The following NRL variants were observed in gnomAD, a reference collection of about 807,000 sequenced individuals.
The protein encoded by NRL is neural retina leucine zipper.
Under a neutral mutation model 12.5 loss-of-function variants are expected in NRL, and 16 were observed. That is an observed-to-expected ratio of 1.28 (90% CI 0.87 to 1.95). The LOEUF is 1.95. Ranked by LOEUF, NRL falls within the 30% of genes most tolerant of loss-of-function variation. The pLI is 0.00. For synonymous variants in NRL, 142 were observed against 150.9 expected, an observed-to-expected ratio of 0.94 and a Z score of 0.43; for missense variants, 314 against 325.8, an observed-to-expected ratio of 0.96 and a Z score of 0.28.
chr14:24,088,930 G>A (rs527481646), intron 1 of NRL, among the ~76,000 whole-genome samples: 168 of 149,612 alleles, frequency 1.1e-3, no homozygotes, highest in Non-Finnish European at 1.6e-3. Flanking sequence ...CTCAGACTCC[G>A]GCTGGAACTA....
Position 24,079,408 on chromosome 14 carries a change from G to A in NRL, c.*1828C>T, listed in dbSNP as rs2036211960. ...CTCCCTTCAACAATGAGTGTGGAAG[G>A]GGATGAAGAAAGAGAAGCTAAAGGT... is the stretch of plus-strand genomic sequence containing the variant. On this transcript the variant is annotated 3_prime_UTR_variant, in exon 3 of 3. Transcript: ENST00000561028. Among the ~76,000 whole-genome samples, 2 of 152,204 alleles carry A rather than the reference G, an allele frequency of 1.3e-5. No individual in the cohort carries two copies. Among genetic ancestry groups the A allele is most frequent in the Admixed American group, 1.3e-4 (2 of 15,280 alleles).
At chr14:24,111,568 T>C (rs1280037058) in intron 1 of NRL, among the ~76,000 whole-genome samples, 2 of 151,694 alleles carry the variant, frequency 1.3e-5, no homozygotes, top group South Asian at 2.1e-4. Flanking sequence ...GGTTTCACCA[T>C]GTTGGCCAGG....
Position 24,081,757 on chromosome 14 carries a change from C to T in NRL, c.382-189G>A. 1 of 1,521,204 alleles carries T rather than the reference C, an allele frequency of 6.6e-7. No individual in the cohort carries two copies. The highest frequency in any genetic ancestry group is 2.5e-5 in the East Asian group (1 of 40,432). The allele number at this position is 1,521,204 out of a possible 1,614,324, so 94.2% of individuals were successfully genotyped here. A position where few individuals can be genotyped will look rare whatever the true frequency, so the allele number is the denominator to read the frequency against. Reference sequence around the variant, plus strand: ...CCCAGGCCCCGACGCTCCCCGGGCCCCCCAGCTGACCGTTGCTCCAGTCAG... The same window carrying T: ...CCCAGGCCCCGACGCTCCCCGGGCCTCCCAGCTGACCGTTGCTCCAGTCAG... On this transcript the variant is annotated intron_variant, in intron 2 of 2. Coordinates refer to ENST00000561028, the MANE Select transcript of NRL (RefSeq NM_001354768.3). The surrounding 1 kb of genome is among the most constrained non-coding windows in gnomAD (Gnocchi z 4.4).
rs777427545 is a variant in NRL, at chr14:24,103,523, G to T, written c.-28+11199C>A. The stretch of plus-strand genomic sequence containing the variant: ...CTTCCCCCCCAGGGAAGATCATCAT[G>T]CACGACCCATTTGCCATGCGGCCCT... On this transcript the variant is annotated intron_variant, in intron 1 of 2. Transcript: ENST00000561028. The T allele has an allele frequency of 2.5e-5, 39 of 1,554,372 alleles. No homozygotes were observed. The highest frequency in any genetic ancestry group is 4.1e-5 in the African/African-American group (3 of 73,322).
chr14:24,089,662 G>A (rs554622489), intron 1 of NRL, among the ~76,000 whole-genome samples: 1 of 152,284 alleles, frequency 6.6e-6, no homozygotes, highest in African/African-American at 2.4e-5. Flanking sequence ...AGAGATGAAT[G>A]TGCTAAGAAG....
intron 1 of NRL, chr14:24,102,651 CAAA>C (rs367813502): frequency 1.2e-3 from 1,048 of 878,658 alleles, no homozygotes; most frequent in South Asian, 2.2e-3. Flanking sequence ...GCTGATGAGG[CAAA>C]AAAAAAAAAA....
rs1442867729 is a variant in NRL at position 24,078,751 on chromosome 14, T to A, written c.*2485A>T. On this transcript the variant is annotated 3_prime_UTR_variant, in exon 3 of 3. Transcript: ENST00000561028. Reference sequence around the variant, plus strand: ...GGTGGTTACCATTATTTTCACCATTTTTCTGACAATCAAGTGAGGCTTGAT... The same window carrying A: ...GGTGGTTACCATTATTTTCACCATTATTCTGACAATCAAGTGAGGCTTGAT... Among the ~76,000 whole-genome samples the A allele has an allele frequency of 6.6e-6, 1 of 152,212 alleles. No homozygotes were observed. The highest frequency in any genetic ancestry group is 1.5e-5 in the Non-Finnish European group (1 of 68,032).
rs747231614 is a variant in NRL at position 24,103,087 on chromosome 14, A to G, written c.-28+11635T>C. Reference sequence around the variant, plus strand: ...GGTCTTAGGAGAGAGAGTACCAGTCAAGCTCACCAGAAGGGCTGGAGTTAG... The same window carrying G: ...GGTCTTAGGAGAGAGAGTACCAGTCGAGCTCACCAGAAGGGCTGGAGTTAG... On this transcript the variant is annotated intron_variant, in intron 1 of 2. Transcript: ENST00000561028. The G allele has an allele frequency of 1.2e-5, 16 of 1,304,970 alleles. No individual in the cohort carries two copies. In the Middle Eastern group the frequency reaches 7.3e-4, roughly 59 times the overall value. 80.8% of individuals were successfully genotyped at this position (1,304,970 alleles called of 1,614,324 possible). A position where few individuals can be genotyped will look rare whatever the true frequency, so the allele number is the denominator to read the frequency against.
At chr14:24,095,900 G>T (rs960858862) in intron 1 of NRL, among the ~76,000 whole-genome samples, 4 of 152,158 alleles carry the variant, frequency 2.6e-5, no homozygotes, top group Admixed American at 2.6e-4. Flanking sequence ...TTACCCGAGG[G>T]CAACATTTTA....
intron 1 of NRL, chr14:24,103,624 G>C (rs201244499): frequency 1.2e-6 from 2 of 1,613,832 alleles, no homozygotes; most frequent in South Asian, 1.1e-5. Context: ...CAGCTGCCCC[G>C]TATCTTCCAT....
At chr14:24,103,352 T>A in intron 1 of NRL, 1 of 1,177,764 alleles carries the variant, frequency 8.5e-7, no homozygotes. Context: ...ACCCCTGGAG[T>A]CTGATATGGC....
intron 1 of NRL, among the ~76,000 whole-genome samples, chr14:24,092,619 T>C (rs2036668018): frequency 6.6e-6 from 1 of 152,168 alleles, no homozygotes; most frequent in Non-Finnish European, 1.5e-5. Flanking sequence ...GAGATCCAAA[T>C]ACATATACCT....
chr14:24,106,714 C>CT (rs2037343757), intron 1 of NRL, among the ~76,000 whole-genome samples: 1 of 141,786 alleles, frequency 7.1e-6, no homozygotes, highest in Admixed American at 6.9e-5. Context: ...GAGTGAGACT[C>CT]TGTCTCAAAA....
chr14:24,114,769 G>T lies in NRL; in HGVS notation c.-75C>A, dbSNP rs1322196782. ...GTCCAGTTGGCTGGCCAAGGGGGCG[G>T]GGCCGTCGTGTGACGTTTGCAGCCC... On this transcript the variant is annotated 5_prime_UTR_variant, in exon 1 of 3. Coordinates refer to ENST00000561028, the MANE Select transcript of NRL (RefSeq NM_001354768.3). 2 of 985,836 alleles carry T rather than the reference G, an allele frequency of 2.0e-6. No homozygotes were observed. The highest frequency in any genetic ancestry group is 2.4e-6 in the Non-Finnish European group (2 of 829,964). The allele number at this position is 985,836 out of a possible 1,614,324, so 61.1% of individuals were successfully genotyped here.
At chr14:24,114,295 G>C (rs945661446) in intron 1 of NRL, 1 of 152,290 alleles carries the variant, frequency 6.6e-6, no homozygotes, top group Non-Finnish European at 1.5e-5. Context: ...TCTAAAAGGG[G>C]ACCGTCCCAA....
At chr14:24,111,381 T>TTG (rs2037416866) in intron 1 of NRL, among the ~76,000 whole-genome samples, 1 of 152,030 alleles carries the variant, frequency 6.6e-6, no homozygotes, top group Admixed American at 6.5e-5. Flanking sequence ...TGATTGTTTT[T>TTG]TGTGTGTGTG....
intron 1 of NRL, among the ~76,000 whole-genome samples, chr14:24,086,892 C>A (rs1190177084): frequency 6.6e-6 from 1 of 152,212 alleles, no homozygotes. Flanking sequence ...TGGGCCCAGT[C>A]TGGGCCAGAG....
rs189385990 is a variant in NRL at position 24,095,167 on chromosome 14, C to T, written c.-27-12292G>A. ...GCTTTTGTCCCAGAGTCGGAAGTGA[C>T]CCACATCTGTCGCACAGCCCGTTCC... On this transcript the variant is annotated intron_variant, in intron 1 of 2. Transcript: ENST00000561028. 1,163 of 456,122 alleles carry T rather than the reference C, an allele frequency of 2.5e-3. 28 individuals are homozygous for T. The Middle Eastern group carries it at 0.033, about 13-fold the overall frequency. 28.3% of individuals were successfully genotyped at this position (456,122 alleles called of 1,614,324 possible).
chr14:24,114,939 G>A lies in NRL; in HGVS notation c.-245C>T, dbSNP rs908939634. ...GCTCCTGGCTGGTGGGTGGTCTCGC[G>A]TGGGGCGGTTACCGCCGGCTTCAGT... On this transcript the variant is annotated 5_prime_UTR_variant, in exon 1 of 3. It adds an upstream start codon to the 5' untranslated region. Transcript: ENST00000561028. 5.7e-5 allele frequency: 56 copies of A among 985,930 alleles called. No individual in the cohort carries two copies. Among genetic ancestry groups the A allele is most frequent in the Non-Finnish European group, 6.6e-5 (55 of 830,022 alleles). The allele number at this position is 985,930 out of a possible 1,614,324, so 61.1% of individuals were successfully genotyped here. A position where few individuals can be genotyped will look rare whatever the true frequency, so the allele number is the denominator to read the frequency against.
Sources: gnomAD v4.1 joint callset for allele counts (sites outside exome capture counted in the v4.1 genomes callset) on GRCh38, gnomAD v4.1.1 for gene constraint, Gnocchi (gnomAD v3.1) non-coding constraint, MANE v1.5 for transcripts, NCBI Gene and HGNC (gene_info 2026-07-23, HGNC 2026-07-21) for gene names.